The following TTC28 variants were observed in gnomAD, a reference collection of about 807,000 sequenced individuals.
TTC28 encodes the protein tetratricopeptide repeat domain 28.
TTC28 carries 61 observed loss-of-function variants against 198.0 expected under a neutral mutation model. The ratio of observed to expected loss-of-function variants is 0.31; its 90% CI spans 0.25 to 0.38. The LOEUF (loss-of-function observed/expected upper bound fraction) is 0.38, where lower values mean the gene tolerates loss of function less well. TTC28 is among the 10% of genes least tolerant of loss of function. The probability of loss-of-function intolerance (pLI) is 1.00; values close to 1 mark genes in which losing one functional copy is unlikely to be tolerated. For missense variants in TTC28, 2,678 were observed against 3,164.0 expected, an observed-to-expected ratio of 0.85 and a Z score of 3.69; for synonymous variants, 1,171 against 1,297.8, an observed-to-expected ratio of 0.90 and a Z score of 2.10.
chr22:28,105,943 T>A (rs995795869), intron 7 of TTC28, 141 bp from the exon 8 acceptor site: 25 of 1,097,318 alleles, frequency 2.3e-5, no homozygotes, highest in African/African-American at 3.2e-5. Flanking sequence ...AAATCTATCA[T>A]GTGCCCTTAG....
chr22:28,338,010 T>C (rs1388235917), intron 2 of TTC28, among the ~76,000 whole-genome samples: 4 of 152,162 alleles, frequency 2.6e-5, no homozygotes, highest in Admixed American at 6.5e-5. Flanking sequence ...AGTGCTTCCT[T>C]CAGGAGCTCT....
chr22:28,409,612 T>G (rs2047051149), intron 2 of TTC28, among the ~76,000 whole-genome samples: 1 of 150,018 alleles, frequency 6.7e-6, no homozygotes, highest in Non-Finnish European at 1.5e-5. Context: ...CATACATATG[T>G]GTATATATAA....
rs1569061570 is a variant in TTC28 at position 27,979,967 on chromosome 22, A to AGAG, written c.*2251_*2253dup. On this transcript the variant is annotated 3_prime_UTR_variant, in exon 23 of 23. Transcript: ENST00000397906. ...ATGTACATGGGACTAAAACCAGGTT[A>AGAG]GAGTCCATGAGTAACTCCTAGCTGG... 6.6e-6 allele frequency: 1 copy of AGAG among 152,248 alleles called. No individual in the cohort carries two copies. Among genetic ancestry groups the AGAG allele is most frequent in the Non-Finnish European group, 1.5e-5 (1 of 68,046 alleles). 9.4% of individuals were successfully genotyped at this position (152,248 alleles called of 1,614,324 possible).
At chr22:27,984,440 ACCACCCCCTCCT>A (rs1053369695) in intron 22 of TTC28, among the ~76,000 whole-genome samples, 3 of 151,560 alleles carry the variant, frequency 2.0e-5, no homozygotes, top group Non-Finnish European at 4.4e-5. Context: ...CCCTGCCCTC[ACCACCCCCTCCT>A]CCACAGGCCC....
intron 2 of TTC28, among the ~76,000 whole-genome samples, chr22:28,529,533 C>A (rs2049085297): frequency 6.6e-6 from 1 of 152,204 alleles, no homozygotes; most frequent in Non-Finnish European, 1.5e-5. Context: ...TTAAACGTCC[C>A]TGTCTGACAG....
intron 2 of TTC28, among the ~76,000 whole-genome samples, chr22:28,347,948 C>T (rs1271277416): frequency 2.0e-5 from 3 of 152,256 alleles, no homozygotes; most frequent in Non-Finnish European, 2.9e-5. Context: ...GTTTTGGCAT[C>T]TCCCTTCAGA....
chr22:28,561,339 G>A (rs2049876384), intron 2 of TTC28, among the ~76,000 whole-genome samples: 1 of 151,858 alleles, frequency 6.6e-6, no homozygotes, highest in Non-Finnish European at 1.5e-5. Flanking sequence ...GCCTCCCAAA[G>A]TGCTGGGATT....
intron 2 of TTC28, among the ~76,000 whole-genome samples, chr22:28,420,795 T>G (rs2047241224): frequency 6.6e-6 from 1 of 152,024 alleles, no homozygotes; most frequent in Non-Finnish European, 1.5e-5. Flanking sequence ...GAGATGGGGA[T>G]TCACCATGTT....
chr22:28,581,591 G>C (rs1198734469), intron 2 of TTC28, among the ~76,000 whole-genome samples: 2 of 152,172 alleles, frequency 1.3e-5, no homozygotes, highest in African/African-American at 4.8e-5. Flanking sequence ...TTTCAATCAA[G>C]TTAGGAGCAT....
intron 5 of TTC28, among the ~76,000 whole-genome samples, chr22:28,233,909 GTTT>G (rs529892559): frequency 3.5e-4 from 46 of 131,986 alleles, no homozygotes; most frequent in African/African-American, 1.1e-3. Context: ...TAGCAAATTA[GTTT>G]TTTTTTTTTT....
intron 6 of TTC28, 64 bp from the exon 7 acceptor site, chr22:28,108,467 T>C: frequency 5.3e-6 from 7 of 1,329,002 alleles, no homozygotes; most frequent in East Asian, 2.8e-5. Flanking sequence ...TAGAAAGAAA[T>C]GTAATTTGCA....
At chr22:28,530,281 G>A (rs974666918) in intron 2 of TTC28, among the ~76,000 whole-genome samples, 7 of 152,262 alleles carry the variant, frequency 4.6e-5, no homozygotes, top group South Asian at 2.1e-4. Flanking sequence ...TTCAGCAGCC[G>A]ATTCGATCAA....
chr22:28,646,311 G>A (rs1242006779), intron 1 of TTC28, among the ~76,000 whole-genome samples: 2 of 152,190 alleles, frequency 1.3e-5, no homozygotes, highest in Non-Finnish European at 2.9e-5. Flanking sequence ...TACAGTGGCT[G>A]CAGAGAAGAT....
intron 2 of TTC28, among the ~76,000 whole-genome samples, chr22:28,415,101 A>C (rs1289082394): frequency 6.6e-6 from 1 of 152,186 alleles, no homozygotes; most frequent in African/African-American, 2.4e-5. Flanking sequence ...GATGGATTGG[A>C]AAGTGGCTCT....
intron 12 of TTC28, among the ~76,000 whole-genome samples, chr22:28,090,286 T>C (rs1204452322): frequency 2.0e-5 from 3 of 152,090 alleles, no homozygotes; most frequent in African/African-American, 7.2e-5. Flanking sequence ...CCATATTTTA[T>C]ATAATTACAA....
At chr22:28,145,076 A>T (rs1473465726) in intron 6 of TTC28, among the ~76,000 whole-genome samples, 3 of 152,190 alleles carry the variant, frequency 2.0e-5, no homozygotes, top group Admixed American at 2.0e-4. Context: ...CAGAAAAATA[A>T]TCTCCTTAAA....
intron 3 of TTC28, among the ~76,000 whole-genome samples, chr22:28,302,139 A>C (rs2145796069): frequency 6.6e-6 from 1 of 152,168 alleles, no homozygotes; most frequent in South Asian, 2.1e-4. Flanking sequence ...GTTGTTATTA[A>C]CTCTGTCAGG....
At chr22:27,988,816 T>C (rs1937300294) in intron 21 of TTC28, among the ~76,000 whole-genome samples, 1 of 151,934 alleles carries the variant, frequency 6.6e-6, no homozygotes, top group Non-Finnish European at 1.5e-5. Context: ...AACATCCCAG[T>C]CTCTGTGGGC....
Position 28,268,457 on chromosome 22 carries a change from G to A in TTC28, c.933+27741C>T, listed in dbSNP as rs375341405. Among the ~76,000 whole-genome samples, 231 of 152,284 alleles carry A rather than the reference G, an allele frequency of 1.5e-3. 7 individuals are homozygous for A. In the South Asian group the frequency reaches 0.046, roughly 30 times the overall value. ...TGAAAAACATCCTTGAAGGCAGACT[G>A]ACTTCGAGACTCATCTATGTTAATG... On this transcript the variant is annotated intron_variant, in intron 5 of 22. Transcript: ENST00000397906.
Sources: allele counts gnomAD v4.1 joint callset (sites outside exome capture counted in the v4.1 genomes callset), GRCh38; gene constraint gnomAD v4.1.1; transcripts MANE v1.5; gene names NCBI Gene and HGNC (gene_info 2026-07-23, HGNC 2026-07-21).